The following RGS6 variants were observed in gnomAD, a reference collection of about 807,000 sequenced individuals.
RGS6 encodes the protein regulator of G-protein signaling 6.
A neutral mutation model predicts 78.5 loss-of-function variants in RGS6; 30 were observed. The observed-to-expected ratio is 0.38, with a 90% confidence interval of 0.29 to 0.52. RGS6 has a LOEUF of 0.52. Ranked by LOEUF, RGS6 falls within the 20% of genes least tolerant of loss-of-function variation. RGS6 has a pLI of 0.85. For synonymous variants in RGS6, 206 were observed against 206.0 expected (o/e 1.00, Z 0.00); for missense variants, 495 against 609.7 (o/e 0.81, Z 1.98).
In RGS6 at chr14:72,566,078, A is replaced by G. The variant is rs1237252466; in HGVS notation, c.*3611A>G. The G allele has an allele frequency of 6.6e-6, 1 of 152,180 alleles. No individual in the cohort carries two copies. The highest frequency in any genetic ancestry group is 2.4e-5 in the African/African-American group (1 of 41,442). The allele number at this position is 152,180 out of a possible 1,614,324, so 9.4% of individuals were successfully genotyped here. On this transcript the variant is annotated 3_prime_UTR_variant, in exon 18 of 18. Coordinates refer to ENST00000553525, the MANE Select transcript of RGS6 (RefSeq NM_001204424.2). The stretch of plus-strand genomic sequence containing the variant: ...CCAGACGAATCACTAATAACTCACC[A>G]TGGGACCCTCTGAAGAGAGGCCTGT...
In RGS6 at chr14:72,240,281, G is replaced by A. The variant is rs114354776; in HGVS notation, c.85-111814G>A. On this transcript the variant is annotated intron_variant, in intron 2 of 17. Coordinates refer to ENST00000553525, the MANE Select transcript of RGS6 (RefSeq NM_001204424.2). ...ATCTGTCTGATCTCCCATCCTCATT[G>A]ATAGTAAACCAGTGAGTAGGCAAGT... 2.9e-3 allele frequency among the ~76,000 whole-genome samples: 446 copies of A among 152,292 alleles called. 3 individuals carry two copies. Among genetic ancestry groups the A allele is most frequent in the African/African-American group, 0.01 (423 of 41,562 alleles).
At chr14:71,881,185 C>A in the RGS6 span, among the ~76,000 whole-genome samples, 1 of 152,204 alleles carries the variant, frequency 6.6e-6, no homozygotes, top group Non-Finnish European at 1.5e-5. Context: ...CCTGTACCCC[C>A]CTTGCATCTA....
At chr14:72,038,527 TA>T (rs2092023882) in intron 2 of RGS6, among the ~76,000 whole-genome samples, 1 of 152,188 alleles carries the variant, frequency 6.6e-6, no homozygotes, top group Non-Finnish European at 1.5e-5. Context: ...TTGAACATAG[TA>T]TGTTTTTTTC....
intron 2 of RGS6, among the ~76,000 whole-genome samples, chr14:72,088,021 G>A (rs759705021): frequency 1.4e-4 from 21 of 152,168 alleles, no homozygotes; most frequent in Non-Finnish European, 2.6e-4. Flanking sequence ...AGAGCCATCA[G>A]ATAGAGACCA....
At chr14:72,455,179 A>T (rs890097348) in intron 4 of RGS6, among the ~76,000 whole-genome samples, 2 of 152,218 alleles carry the variant, frequency 1.3e-5, no homozygotes, top group African/African-American at 4.8e-5. Flanking sequence ...AAAAATAAAA[A>T]TTCAAGATAA....
intron 2 of RGS6, among the ~76,000 whole-genome samples, chr14:71,985,294 T>C (rs932457067): frequency 2.0e-5 from 3 of 152,150 alleles, no homozygotes; most frequent in African/African-American, 7.2e-5. Flanking sequence ...CAGCTAATTT[T>C]TGTATTTTTA....
intron 2 of RGS6, among the ~76,000 whole-genome samples, chr14:72,295,162 GCGCCTGTAGTCCCAGCTA>G (rs1457959413): frequency 1.3e-5 from 2 of 150,778 alleles, no homozygotes; most frequent in Non-Finnish European, 3.0e-5. Context: ...GTAGTGGCGG[GCGCCTGTAGTCCCAGCTA>G]CTTGGGAGGC....
At chr14:72,387,208 A>G (rs1374237176) in intron 3 of RGS6, among the ~76,000 whole-genome samples, 1 of 152,156 alleles carries the variant, frequency 6.6e-6, no homozygotes, top group African/African-American at 2.4e-5. Context: ...TTGCAGATGT[A>G]TATAATTAGG....
chr14:72,380,882 C>A (rs2085903204), intron 3 of RGS6, among the ~76,000 whole-genome samples: 3 of 152,124 alleles, frequency 2.0e-5, no homozygotes, highest in Non-Finnish European at 4.4e-5. Flanking sequence ...ATGCTTATTG[C>A]AGCACTATTA....
intron 2 of RGS6, among the ~76,000 whole-genome samples, chr14:72,269,841 C>A (rs1242844039): frequency 6.6e-6 from 1 of 152,100 alleles, no homozygotes; most frequent in Admixed American, 6.5e-5. Flanking sequence ...GCTGGGATTA[C>A]AGGTGTGAGC....
At chr14:72,431,765 T>C (rs2094653055) in intron 3 of RGS6, among the ~76,000 whole-genome samples, 1 of 152,146 alleles carries the variant, frequency 6.6e-6, no homozygotes, top group Non-Finnish European at 1.5e-5. Flanking sequence ...CCAAGGGATA[T>C]GGACAGGGAG....
chr14:72,284,408 A>G (rs770064221), intron 2 of RGS6, among the ~76,000 whole-genome samples: 44 of 152,172 alleles, frequency 2.9e-4, no homozygotes, highest in Non-Finnish European at 4.7e-4. Flanking sequence ...CCGGCATCCT[A>G]GCCATTTTAG....
chr14:72,356,970 T>C (rs926193379), intron 3 of RGS6, among the ~76,000 whole-genome samples: 9 of 152,160 alleles, frequency 5.9e-5, no homozygotes, highest in South Asian at 4.1e-4. Context: ...GCTGTAAAGA[T>C]ACTTGAAAAT....
In RGS6 at chr14:72,437,167, CAAAAAAAAAAA is replaced by C. The variant is rs71109735; in HGVS notation, c.185-17347_185-17337del. ...TGAAACCCCGTCTTTACTAAAAATA[CAAAAAAAAAAA>C]AAAAAAAAAAAAATTAGCCAGGCAT... On this transcript the variant is annotated intron_variant, in intron 3 of 17. Coordinates refer to ENST00000553525, the MANE Select transcript of RGS6 (RefSeq NM_001204424.2). Among the ~76,000 whole-genome samples the C allele has an allele frequency of 5.9e-4, 44 of 75,018 alleles. 1 individual carries two copies. The East Asian group carries it at 0.016, about 28-fold the overall frequency. 49.2% of individuals were successfully genotyped at this position (75,018 alleles called of 152,430 possible).
At chr14:72,172,909 A>G (rs1447589672) in intron 2 of RGS6, among the ~76,000 whole-genome samples, 1 of 152,232 alleles carries the variant, frequency 6.6e-6, no homozygotes, top group Non-Finnish European at 1.5e-5. Flanking sequence ...AGAGGACTGC[A>G]CGAGCTCTCC....
At chr14:71,907,274 G>T in the RGS6 span, among the ~76,000 whole-genome samples, 1 of 152,326 alleles carries the variant, frequency 6.6e-6, no homozygotes, top group Admixed American at 6.5e-5. Context: ...GAGCCAATAT[G>T]GGAGAGAATT....
intron 2 of RGS6, among the ~76,000 whole-genome samples, chr14:72,234,613 C>A (rs2050516484): frequency 6.6e-6 from 1 of 152,064 alleles, no homozygotes; most frequent in African/African-American, 2.4e-5. Context: ...CAGTGCCACC[C>A]TGCCTGCTGT....
intron 2 of RGS6, among the ~76,000 whole-genome samples, chr14:72,176,950 A>G (rs568872915): frequency 1.3e-5 from 2 of 152,190 alleles, no homozygotes; most frequent in Non-Finnish European, 2.9e-5. Context: ...CAATTAATCA[A>G]TTTTGCCTGT....
intron 1 of RGS6, among the ~76,000 whole-genome samples, chr14:71,962,805 CCTCT>C (rs997263477): frequency 6.6e-6 from 1 of 152,100 alleles, no homozygotes; most frequent in Non-Finnish European, 1.5e-5. Context: ...ATTACAAATT[CCTCT>C]CTCTCCCATT....
Sources: gnomAD v4.1 joint callset for allele counts (sites outside exome capture counted in the v4.1 genomes callset) on GRCh38, gnomAD v4.1.1 for gene constraint, MANE v1.5 for transcripts, NCBI Gene and HGNC (gene_info 2026-07-23, HGNC 2026-07-21) for gene names.